Variants in RAI1 observed in about 807,000 individuals in gnomAD.
RAI1 encodes the protein retinoic acid-induced protein 1.
RAI1 carries 9 observed loss-of-function variants against 123.8 expected under a neutral mutation model. The ratio of observed to expected loss-of-function variants is 0.07; its 90% CI spans 0.04 to 0.13. The LOEUF (loss-of-function observed/expected upper bound fraction) is 0.13. Among genes scored for constraint, RAI1 ranks in the 10% least tolerant of loss-of-function variants. The pLI is 1.00. For missense variants in RAI1, 2,256 were observed against 2,545.8 expected (o/e 0.89, Z 2.45); for synonymous variants, 1,231 against 1,127.3 (o/e 1.09, Z -1.84).
intron 1 of RAI1, among the ~76,000 whole-genome samples, chr17:17,683,179 G>A (rs1031264193): frequency 1.5e-4 from 23 of 152,216 alleles, no homozygotes; most frequent in African/African-American, 4.3e-4. Flanking sequence ...AAGACCTCGC[G>A]CTGACGTCAG....
At chr17:17,708,736 G>T (rs953898707) in intron 1 of RAI1, among the ~76,000 whole-genome samples, 1 of 152,150 alleles carries the variant, frequency 6.6e-6, no homozygotes, top group Non-Finnish European at 1.5e-5. Context: ...ACAAGGTGAG[G>T]GGGACAGAGC....
intron 2 of RAI1, among the ~76,000 whole-genome samples, chr17:17,741,239 A>G (rs1189759780): frequency 1.3e-5 from 2 of 152,190 alleles, no homozygotes; most frequent in African/African-American, 2.4e-5. Context: ...GCATCTGACC[A>G]GCAGAGAAAA....
chr17:17,682,373 GC>G (rs75891551), intron 1 of RAI1: 15,509 of 151,622 alleles, frequency 0.1, 1,017 homozygotes, highest in East Asian at 0.33. Context: ...CTGTGCGCAG[GC>G]CCCGAGGCCG....
intron 2 of RAI1, among the ~76,000 whole-genome samples, chr17:17,750,710 A>AG (rs1567871766): frequency 1.3e-5 from 2 of 151,514 alleles, no homozygotes; most frequent in African/African-American, 4.9e-5. Context: ...AAAAAAAAAA[A>AG]AAAGAAAAGA....
intron 2 of RAI1, among the ~76,000 whole-genome samples, chr17:17,735,110 T>C (rs1916386812): frequency 6.6e-6 from 1 of 152,010 alleles, no homozygotes; most frequent in East Asian, 1.9e-4. Flanking sequence ...TGGAGTGCAA[T>C]GGCATGATCT....
intron 1 of RAI1, among the ~76,000 whole-genome samples, chr17:17,713,213 A>G (rs984042900): frequency 6.6e-6 from 1 of 152,218 alleles, no homozygotes; most frequent in Non-Finnish European, 1.5e-5. Flanking sequence ...GGATGCACAT[A>G]GAAAACATTG....
intron 2 of RAI1, among the ~76,000 whole-genome samples, chr17:17,775,357 C>T (rs1438565499): frequency 2.0e-5 from 3 of 152,004 alleles, no homozygotes; most frequent in Admixed American, 6.5e-5. Context: ...GCATGCATCA[C>T]CATGCCCAGC....
chr17:17,790,418 C>T (rs1232892312), intron 2 of RAI1, among the ~76,000 whole-genome samples: 5 of 152,252 alleles, frequency 3.3e-5, no homozygotes, highest in Admixed American at 1.3e-4. Context: ...ATGCTTTCAC[C>T]GCATCCAGCT....
At chr17:17,712,983 G>A (rs190859348) in intron 1 of RAI1, among the ~76,000 whole-genome samples, 1 of 152,116 alleles carries the variant, frequency 6.6e-6, no homozygotes. Context: ...GCCAGGGGCT[G>A]GGGGTGGGGA....
At chr17:17,743,828 G>A (rs1916719904) in intron 2 of RAI1, among the ~76,000 whole-genome samples, 1 of 152,228 alleles carries the variant, frequency 6.6e-6, no homozygotes, top group Admixed American at 6.5e-5. Flanking sequence ...ATCAGGAACT[G>A]GCATGAGGCA....
intron 1 of RAI1, among the ~76,000 whole-genome samples, chr17:17,715,706 T>C (rs1337499694): frequency 6.6e-6 from 1 of 152,148 alleles, no homozygotes; most frequent in Non-Finnish European, 1.5e-5. Context: ...AGGAGTGATC[T>C]CCACAGATTC....
intron 2 of RAI1, among the ~76,000 whole-genome samples, chr17:17,728,634 G>T (rs1916168968): frequency 6.6e-6 from 1 of 152,198 alleles, no homozygotes; most frequent in South Asian, 2.1e-4. Flanking sequence ...CTGTCTTCCA[G>T]TGGTGGTCTC....
intron 2 of RAI1, among the ~76,000 whole-genome samples, chr17:17,746,203 G>A (rs1409887320): frequency 6.6e-6 from 1 of 152,206 alleles, no homozygotes; most frequent in African/African-American, 2.4e-5. Flanking sequence ...ATGCCCCCGG[G>A]GGTGCCACCG....
chr17:17,753,884 G>A (rs1207936356), intron 2 of RAI1, among the ~76,000 whole-genome samples: 1 of 152,202 alleles, frequency 6.6e-6, no homozygotes, highest in Non-Finnish European at 1.5e-5. Flanking sequence ...GATCCTTTGG[G>A]ATTTGGAAAA....
intron 1 of RAI1, among the ~76,000 whole-genome samples, chr17:17,697,619 T>A: frequency 6.6e-6 from 1 of 152,242 alleles, no homozygotes; most frequent in African/African-American, 2.4e-5. Flanking sequence ...GGGTGTGGAA[T>A]TTAACCAAAT....
chr17:17,767,646 G>C (rs972384291), intron 2 of RAI1, among the ~76,000 whole-genome samples: 1 of 152,242 alleles, frequency 6.6e-6, no homozygotes, highest in Non-Finnish European at 1.5e-5. Flanking sequence ...GTGGGGACTG[G>C]GGTTTGGAAG....
chr17:17,682,054 G>A (rs1185460057), intron 1 of RAI1, among the ~76,000 whole-genome samples: 1 of 150,678 alleles, frequency 6.6e-6, no homozygotes, highest in South Asian at 2.1e-4. Context: ...TGGGGGATGT[G>A]CGGCCAGCTG....
chr17:17,747,900 C>CA (rs796620014), intron 2 of RAI1, among the ~76,000 whole-genome samples: 1 of 152,012 alleles, frequency 6.6e-6, no homozygotes, highest in Non-Finnish European at 1.5e-5. Context: ...CCCATCTCTA[C>CA]AAAAAATTTA....
intron 2 of RAI1, chr17:17,782,344 C>T (rs1386391698): frequency 1.3e-5 from 2 of 152,088 alleles, no homozygotes; most frequent in Non-Finnish European, 2.9e-5. Flanking sequence ...GCTCTCTCGC[C>T]TCGTTCGGTG....
Sources: allele counts gnomAD v4.1 joint callset (sites outside exome capture counted in the v4.1 genomes callset), GRCh38; gene constraint gnomAD v4.1.1; transcripts MANE v1.5; gene names NCBI Gene and HGNC (gene_info 2026-07-23, HGNC 2026-07-21).